TRIO: variants seen among roughly 807,000 people sequenced by gnomAD.
TRIO encodes trio Rho guanine nucleotide exchange factor, also known as triple functional domain protein.
Under a neutral mutation model 351.9 loss-of-function variants are expected in TRIO, and 58 were observed. The ratio of observed to expected loss-of-function variants is 0.16; its 90% confidence interval spans 0.13 to 0.21. The LOEUF is 0.21. Among genes scored for constraint, TRIO ranks in the 10% least tolerant of loss-of-function variants. The pLI is 1.00. For synonymous variants in TRIO, 1,758 were observed against 1,595.7 expected, an observed-to-expected ratio of 1.10 and a Z score of -2.42; for missense variants, 3,201 against 4,027.8, an observed-to-expected ratio of 0.79 and a Z score of 5.56.
intron 1 of TRIO, among the ~76,000 whole-genome samples, chr5:14,166,348 C>G (rs551143227): frequency 8.5e-5 from 13 of 152,332 alleles, no homozygotes; most frequent in African/African-American, 2.4e-4. Flanking sequence ...TGCTTGATCC[C>G]AATCCCCTTT....
At chr5:14,149,687 A>G (rs1388049471) in intron 1 of TRIO, among the ~76,000 whole-genome samples, 2 of 152,216 alleles carry the variant, frequency 1.3e-5, no homozygotes, top group Admixed American at 1.3e-4. Context: ...GTTTTAGATT[A>G]CTGGCTCTTT....
intron 1 of TRIO, among the ~76,000 whole-genome samples, chr5:14,239,813 G>A (rs1279521175): frequency 6.6e-6 from 1 of 152,220 alleles, no homozygotes; most frequent in Non-Finnish European, 1.5e-5. Context: ...GTAGGGAACT[G>A]TGTAGGATCT....
At chr5:14,373,627 C>T (rs1226591614) in intron 18 of TRIO, among the ~76,000 whole-genome samples, 1 of 152,144 alleles carries the variant, frequency 6.6e-6, no homozygotes, top group Non-Finnish European at 1.5e-5. Flanking sequence ...AACATAAACA[C>T]ATATTGTCAG....
chr5:14,164,792 A>C (rs1213461243), intron 1 of TRIO, among the ~76,000 whole-genome samples: 1 of 152,084 alleles, frequency 6.6e-6, no homozygotes, highest in Non-Finnish European at 1.5e-5. Context: ...TGCCAGAGGG[A>C]TTTCATCATT....
chr5:14,349,555 C>T (rs750320593), intron 11 of TRIO, among the ~76,000 whole-genome samples: 2 of 152,296 alleles, frequency 1.3e-5, no homozygotes, highest in Non-Finnish European at 2.9e-5. Context: ...ACAGTCGTGG[C>T]GACTGCTGTC....
chr5:14,373,825 A>G (rs1404696491), intron 18 of TRIO, among the ~76,000 whole-genome samples: 1 of 152,180 alleles, frequency 6.6e-6, no homozygotes. Context: ...TTTACTGTCT[A>G]CCCTACGTAG....
chr5:14,246,557 T>G (rs577879293), intron 1 of TRIO, among the ~76,000 whole-genome samples: 33 of 152,144 alleles, frequency 2.2e-4, no homozygotes, highest in Non-Finnish European at 4.3e-4. Context: ...CAAGCCAGTC[T>G]CAACCGGAAT....
intron 31 of TRIO, among the ~76,000 whole-genome samples, chr5:14,401,979 T>G (rs1748109901): frequency 6.6e-6 from 1 of 152,198 alleles, no homozygotes; most frequent in African/African-American, 2.4e-5. Flanking sequence ...ATGTCAGCCT[T>G]CTAGAGCCTG....
At chr5:14,505,279 G>A (rs1032514578) in intron 55 of TRIO, among the ~76,000 whole-genome samples, 1 of 152,254 alleles carries the variant, frequency 6.6e-6, no homozygotes, top group Non-Finnish European at 1.5e-5. Context: ...GCAGGGAGCG[G>A]CCGGAGGCCA....
At chr5:14,464,526 T>A (rs1754098407) in intron 36 of TRIO, among the ~76,000 whole-genome samples, 1 of 152,260 alleles carries the variant, frequency 6.6e-6, no homozygotes, top group Admixed American at 6.5e-5. Flanking sequence ...TGATTTGTGT[T>A]CTGTGTCTGT....
intron 6 of TRIO, among the ~76,000 whole-genome samples, chr5:14,293,725 G>A (rs112209734): frequency 6.6e-6 from 1 of 152,166 alleles, no homozygotes; most frequent in Non-Finnish European, 1.5e-5. Context: ...GGTGACTGTA[G>A]GACTACATCA....
At chr5:14,239,395 T>C (rs1793991783) in intron 1 of TRIO, among the ~76,000 whole-genome samples, 1 of 152,184 alleles carries the variant, frequency 6.6e-6, no homozygotes, top group African/African-American at 2.4e-5. Context: ...GTGCCAGCTT[T>C]CTTGTTTCCT....
chr5:14,456,392 G>A (rs1753311376), intron 34 of TRIO, among the ~76,000 whole-genome samples: 1 of 152,252 alleles, frequency 6.6e-6, no homozygotes, highest in East Asian at 1.9e-4. Context: ...CTGAGAACGA[G>A]TGAGGGCCGC....
intron 49 of TRIO, among the ~76,000 whole-genome samples, chr5:14,494,522 G>A (rs903973087): frequency 2.0e-5 from 3 of 152,348 alleles, no homozygotes; most frequent in African/African-American, 4.8e-5. Context: ...GGAGATTCGT[G>A]TTGTTTTCTT....
rs1036925874 is a variant in TRIO at position 14,399,042 on chromosome 5, G to A, written c.4586G>A (p.Ser1529Asn). 2 of 1,614,008 alleles carry A rather than the reference G, an allele frequency of 1.2e-6. No homozygotes were observed. Among genetic ancestry groups the A allele is most frequent in the Non-Finnish European group, 8.5e-7 (1 of 1,180,024 alleles). ...SKEVKDSSGR[S>N]KYLYKSKLFT... ...GAAGTGAAAGATTCCAGTGGGAGAAGCAAGTACCTTTATAAAAGCAAATTG... is the reference window on the plus strand; with the variant it reads ...GAAGTGAAAGATTCCAGTGGGAGAAACAAGTACCTTTATAAAAGCAAATTG... Residue 1529 changes from serine (S) to asparagine (N), a missense_variant, in exon 30 of 57, where the codon AGC becomes AAC. Ser to Asn is a conservative substitution (Grantham distance 46). Around this residue, in one of 19 missense-constraint regions of TRIO, gnomAD observed 136 missense variants for 229.5 expected, o/e 0.59. Transcript: ENST00000344204.
At chr5:14,476,818 GA>G (rs926500007) in intron 40 of TRIO, 75 bp from the exon 41 acceptor site, 4 of 1,246,280 alleles carry the variant, frequency 3.2e-6, no homozygotes, top group Non-Finnish European at 4.5e-6. Context: ...AAAAGAAAAA[GA>G]AAAAATGTAA....
chr5:14,504,268 C>A, intron 54 of TRIO, 125 bp from the exon 55 acceptor site: 1 of 1,043,282 alleles, frequency 9.6e-7, no homozygotes, highest in Non-Finnish European at 1.4e-6. Flanking sequence ...GTGGAGTGGC[C>A]GGGAGAGCAG....
Position 14,465,552 on chromosome 5 carries a change from C to G in TRIO, c.5675C>G (p.Ser1892Cys), listed in dbSNP as rs1251458322. The G allele has an allele frequency of 1.2e-6, 2 of 1,613,992 alleles. No homozygotes were observed. Among genetic ancestry groups the G allele is most frequent in the Admixed American group, 1.7e-5 (1 of 59,992 alleles). ...TCTTAATTTCTTCTGTAGGCCTCTT[C>G]TCGGTTATTAGTCCGCCCCACCAGC... is the stretch of plus-strand genomic sequence containing the variant. Reference protein sequence around the residue: ...QPDSQDDKASSRLLVRPTSSE... With the variant: ...QPDSQDDKASCRLLVRPTSSE... The change falls in exon 37 of 57, where the codon TCT becomes TGT. Residue 1892 changes from serine (S) to cysteine (C), a missense_variant. Transcript: ENST00000344204.
chr5:14,374,192 T>G (rs780538711), intron 18 of TRIO, 37 bp from the exon 19 acceptor site: 3 of 1,560,942 alleles, frequency 1.9e-6, no homozygotes, highest in East Asian at 4.5e-5. Context: ...TTTGTAGAAG[T>G]CAAATTAGCA....
Sources: gnomAD v4.1 joint callset for allele counts (sites outside exome capture counted in the v4.1 genomes callset) on GRCh38, gnomAD v4.1.1 for gene constraint, gnomAD v4.1.1 regional missense constraint, MANE v1.5 for transcripts, NCBI Gene and HGNC (gene_info 2026-07-23, HGNC 2026-07-21) for gene names.